The following UBE4A variants were observed in gnomAD, a reference collection of about 807,000 sequenced individuals.
UBE4A encodes the protein ubiquitination factor E4A.
Under a neutral mutation model 117.9 loss-of-function variants are expected in UBE4A, and 48 were observed. That is an observed-to-expected ratio of 0.41 (90% CI 0.32 to 0.52). The LOEUF is 0.52. Among genes scored for constraint, UBE4A ranks in the 20% least tolerant of loss-of-function variants. The probability of loss-of-function intolerance (pLI) is 0.33; values close to 1 mark genes in which losing one functional copy is unlikely to be tolerated. For synonymous variants in UBE4A, 407 were observed against 450.0 expected (o/e 0.90, Z 1.21); for missense variants, 1,067 against 1,296.3 (o/e 0.82, Z 2.72).
intron 11 of UBE4A, 136 bp from the exon 12 acceptor site, chr11:118,381,255 G>T: frequency 3.9e-6 from 4 of 1,020,484 alleles, no homozygotes; most frequent in Admixed American, 2.7e-5. Flanking sequence ...TTGACTTAAC[G>T]ACCATCTCTA....
chr11:118,365,960 A>G lies in UBE4A; in HGVS notation c.121+759A>G, dbSNP rs189791481. 7.5e-4 allele frequency among the ~76,000 whole-genome samples: 114 copies of G among 152,304 alleles called. 1 individual carries two copies. The highest frequency in any genetic ancestry group is 5.4e-3 in the Admixed American group (82 of 15,302). On this transcript the variant is annotated intron_variant, in intron 2 of 19. Transcript: ENST00000252108. ...TTCTGAAGATATTCACAATCTTTCA[A>G]ACCAGAAATTGCTCCCCTTCTCCTC...
rs778312518 is a variant in UBE4A at position 118,399,141 on chromosome 11, ACTT to A, written c.*2705_*2707del. ...TATTTTGAAACATTCCAGGAAGGTTACTTCTTGTCAAACTTGCCTGGCAGTGTT... is the reference window on the plus strand; with the variant it reads ...TATTTTGAAACATTCCAGGAAGGTTACTTGTCAAACTTGCCTGGCAGTGTT... On this transcript the variant is annotated 3_prime_UTR_variant, in exon 20 of 20. Coordinates refer to ENST00000252108, the MANE Select transcript of UBE4A (RefSeq NM_001204077.2). 2.1e-5 allele frequency: 9 copies of A among 438,380 alleles called. No individual in the cohort carries two copies. The highest frequency in any genetic ancestry group is 3.2e-5 in the Non-Finnish European group (7 of 215,916). The allele number at this position is 438,380 out of a possible 1,614,324, so 27.2% of individuals were successfully genotyped here. A position where few individuals can be genotyped will look rare whatever the true frequency, so the allele number is the denominator to read the frequency against.
intron 16 of UBE4A, among the ~76,000 whole-genome samples, chr11:118,387,561 A>G (rs2134107727): frequency 6.6e-6 from 1 of 152,330 alleles, no homozygotes; most frequent in Middle Eastern, 3.4e-3. Context: ...AAAGATACCA[A>G]AAAATCCCCA....
Position 118,390,681 on chromosome 11 carries a change from T to C in UBE4A, c.2793T>C (p.Thr931=). The C allele has an allele frequency of 4.6e-6, 7 of 1,532,710 alleles. No homozygotes were observed. The highest frequency in any genetic ancestry group is 6.1e-6 in the Non-Finnish European group (7 of 1,143,568). 94.9% of individuals were successfully genotyped at this position (1,532,710 alleles called of 1,614,324 possible). A position where few individuals can be genotyped will look rare whatever the true frequency, so the allele number is the denominator to read the frequency against. ...GGGATGAGGAGAATTTCTGTGCCACTGTGCCCAAGGATGGACGTTCCTATT... is the reference window on the plus strand; with the variant it reads ...GGGATGAGGAGAATTTCTGTGCCACCGTGCCCAAGGATGGACGTTCCTATT... ...NLGDEENFCA[T]VPKDGRSYSP... is the part of the protein sequence containing the mutation. Residue 931 remains threonine (T), a synonymous_variant, in exon 18 of 20, where the codon ACT becomes ACC. Coordinates refer to ENST00000252108, the MANE Select transcript of UBE4A (RefSeq NM_001204077.2).
rs10624453 is a variant in UBE4A at position 118,360,986 on chromosome 11, A to ATGTG, written c.-42+1330_-42+1333dup. On this transcript the variant is annotated intron_variant, in intron 1 of 19. Transcript: ENST00000252108. ...AATACATACATATATGTATGTATAT[A>ATGTG]TGTGTGTGTGTGTGTGTGTGTATTT... Among the ~76,000 whole-genome samples the ATGTG allele has an allele frequency of 4.0e-3, 558 of 140,914 alleles. 8 individuals carry two copies. Among genetic ancestry groups the ATGTG allele is most frequent in the South Asian group, 0.02 (89 of 4,366 alleles). The allele number at this position is 140,914 out of a possible 152,430, so 92.4% of individuals were successfully genotyped here.
At chr11:118,395,697 A>G (rs531009639) in intron 19 of UBE4A, among the ~76,000 whole-genome samples, 56 of 152,368 alleles carry the variant, frequency 3.7e-4, no homozygotes, top group African/African-American at 9.1e-4. Flanking sequence ...GCCTTAGAGA[A>G]ATCTAAAGGT....
At chr11:118,381,368 C>G (rs782788628) in intron 11 of UBE4A, 23 bp from the exon 12 acceptor site, 1 of 1,613,086 alleles carries the variant, frequency 6.2e-7, no homozygotes, top group East Asian at 2.2e-5. Flanking sequence ...TTGGCTAATT[C>G]CAGTGAATAT....
intron 5 of UBE4A, among the ~76,000 whole-genome samples, chr11:118,372,244 G>T (rs1948615602): frequency 6.6e-6 from 1 of 152,174 alleles, no homozygotes; most frequent in Non-Finnish European, 1.5e-5. Flanking sequence ...GACAGAGCGA[G>T]ACTCTGTCTC....
intron 13 of UBE4A, 64 bp from the exon 14 acceptor site, chr11:118,384,571 T>C: frequency 6.9e-7 from 1 of 1,449,420 alleles, no homozygotes; most frequent in East Asian, 2.3e-5. Context: ...TGGCTACACA[T>C]AAGCATAAAC....
At position 118,386,458 on chromosome 11, in the gene UBE4A, T is replaced by C. The variant is rs1948759450; in HGVS notation, c.2433T>C (p.Ile811=). The change falls in exon 16 of 20, where the codon ATT becomes ATC. Residue 811 remains isoleucine (I), a synonymous_variant. Transcript: ENST00000252108. ...EAIQYLSKIK[I]QQIEKDRGEW... ...TGCAGTATTTGAGCAAGATAAAGAT[T>C]CAGCAAATTGAGAAGGATCGAGGTG... 6.2e-7 allele frequency: 1 copy of C among 1,606,756 alleles called. No individual in the cohort carries two copies. Among genetic ancestry groups the C allele is most frequent in the East Asian group, 2.3e-5 (1 of 44,392 alleles).
rs1445748330 is a variant in UBE4A at position 118,397,053 on chromosome 11, C to G, written c.*613C>G. 6.6e-6 allele frequency: 1 copy of G among 152,290 alleles called. No individual in the cohort carries two copies. Among genetic ancestry groups the G allele is most frequent in the Non-Finnish European group, 1.5e-5 (1 of 68,194 alleles). The allele number at this position is 152,290 out of a possible 1,614,324, so 9.4% of individuals were successfully genotyped here. ...AGGAATTTAAAGGAATCTTGTGCAA[C>G]TTCTGTTGATAGCTCTTAATTTTGT... On this transcript the variant is annotated 3_prime_UTR_variant, in exon 20 of 20. Transcript: ENST00000252108.
chr11:118,384,794 A>G (rs1948739863), intron 14 of UBE4A, 38 bp from the exon 15 acceptor site: 2 of 1,611,360 alleles, frequency 1.2e-6, no homozygotes, highest in African/African-American at 2.7e-5. Context: ...GTTGTAATTC[A>G]GTACTAAAAT....
At chr11:118,371,472 A>C in intron 4 of UBE4A, 42 bp from the exon 5 acceptor site, 1 of 1,570,808 alleles carries the variant, frequency 6.4e-7, no homozygotes, top group Non-Finnish European at 8.7e-7. Context: ...TCTCAGATTA[A>C]TTTTGCAATA....
At chr11:118,372,760 G>A in intron 6 of UBE4A, 94 bp downstream of exon 6, 1 of 1,562,132 alleles carries the variant, frequency 6.4e-7, no homozygotes, top group South Asian at 1.2e-5. Context: ...AGCCATTATG[G>A]TTCTGGTATA....
At chr11:118,392,601 C>T (rs1214867984) in intron 18 of UBE4A, 137 bp from the exon 19 acceptor site, 7 of 747,164 alleles carry the variant, frequency 9.4e-6, no homozygotes, top group Admixed American at 6.5e-5. Flanking sequence ...ATGAAGCTCA[C>T]GTGTGTCACT....
In UBE4A at chr11:118,382,678, C is replaced by A. The variant is rs1555126524; in HGVS notation, c.2099C>A (p.Ser700Tyr). 1 of 1,605,728 alleles carries A rather than the reference C, an allele frequency of 6.2e-7. No homozygotes were observed. The highest frequency in any genetic ancestry group is 2.2e-5 in the East Asian group (1 of 44,516). ...HLDQTPNPLV[S>Y]SVFHRKRVFC... is the part of the protein sequence containing the mutation. Reference sequence around the variant, plus strand: ...GATCAGACCCCAAATCCCTTGGTATCCAGTGTGTTCCACCGGAAACGTGTG... The same window carrying A: ...GATCAGACCCCAAATCCCTTGGTATACAGTGTGTTCCACCGGAAACGTGTG... Residue 700 changes from serine to tyrosine, a missense_variant, in exon 13 of 20, where the codon TCC becomes TAC. Ser to Tyr is a moderately radical substitution (Grantham distance 144). This residue lies in a region of UBE4A where 1,001 missense variants were observed against 1,184.0 expected (regional missense o/e 0.85). Coordinates refer to ENST00000252108, the MANE Select transcript of UBE4A (RefSeq NM_001204077.2).
chr11:118,380,075 G>T (rs1240572171), intron 11 of UBE4A, among the ~76,000 whole-genome samples: 1 of 150,448 alleles, frequency 6.6e-6, no homozygotes, highest in African/African-American at 2.4e-5. Context: ...CCTTTTTGTA[G>T]AAAAAAAATT....
At chr11:118,365,307 C>A in intron 2 of UBE4A, 106 bp downstream of exon 2, 7 of 1,410,372 alleles carry the variant, frequency 5.0e-6, no homozygotes, top group Non-Finnish European at 6.5e-6. Flanking sequence ...AAGTTTGGAA[C>A]AAAAGTTGGT....
intron 1 of UBE4A, among the ~76,000 whole-genome samples, chr11:118,363,825 C>A (rs890705353): frequency 6.6e-6 from 1 of 152,006 alleles, no homozygotes; most frequent in African/African-American, 2.4e-5. Context: ...ACCATGTTGG[C>A]CAGGCTGGTC....
Sources: gnomAD v4.1 joint callset for allele counts (sites outside exome capture counted in the v4.1 genomes callset) on GRCh38, gnomAD v4.1.1 for gene constraint, gnomAD v4.1.1 regional missense constraint, MANE v1.5 for transcripts, NCBI Gene and HGNC (gene_info 2026-07-23, HGNC 2026-07-21) for gene names.